Variants in TNIK observed in about 807,000 individuals in gnomAD.
The protein encoded by TNIK is TRAF2 and NCK interacting kinase, also known as TRAF2 and NCK-interacting protein kinase.
In TNIK, 49 loss-of-function variants were observed where a neutral mutation model predicts 191.3. That is an observed-to-expected ratio of 0.26 (90% CI 0.20 to 0.32). The LOEUF is 0.32. Ranked by LOEUF, TNIK falls within the 10% of genes least tolerant of loss-of-function variation. The probability of loss-of-function intolerance (pLI) is 1.00; values close to 1 mark genes in which losing one functional copy is unlikely to be tolerated. For missense variants in TNIK, 1,155 were observed against 1,702.3 expected (o/e 0.68, Z 5.66); for synonymous variants, 594 against 600.9 (o/e 0.99, Z 0.17).
At chr3:171,073,904 G>A (rs949629983) in intron 28 of TNIK, among the ~76,000 whole-genome samples, 12 of 151,678 alleles carry the variant, frequency 7.9e-5, no homozygotes, top group Non-Finnish European at 1.5e-4. Context: ...CTTATACACT[G>A]TTGGTAGGAA....
chr3:171,331,291 C>T (rs745400461), intron 2 of TNIK, among the ~76,000 whole-genome samples: 1 of 152,142 alleles, frequency 6.6e-6, no homozygotes, highest in African/African-American at 2.4e-5. Context: ...CTAAAGGGTT[C>T]CCAATTAGGA....
intron 28 of TNIK, among the ~76,000 whole-genome samples, chr3:171,079,169 A>T (rs979784993): frequency 3.7e-4 from 57 of 152,100 alleles, no homozygotes; most frequent in Non-Finnish European, 7.3e-4. Context: ...GTCTTTTTCC[A>T]GTCACTCAGC....
At chr3:171,342,098 T>A (rs1757591665) in intron 2 of TNIK, among the ~76,000 whole-genome samples, 1 of 152,252 alleles carries the variant, frequency 6.6e-6, no homozygotes, top group African/African-American at 2.4e-5. Flanking sequence ...GGCCTCTTTA[T>A]GTTACTCATA....
chr3:171,257,622 G>T (rs1282086135), intron 2 of TNIK, among the ~76,000 whole-genome samples: 3 of 152,164 alleles, frequency 2.0e-5, no homozygotes, highest in Admixed American at 6.5e-5. Context: ...AACATGTCAG[G>T]TACTTGAGAA....
intron 12 of TNIK, among the ~76,000 whole-genome samples, chr3:171,150,522 T>G (rs867109739): frequency 1.3e-5 from 2 of 152,180 alleles, no homozygotes; most frequent in African/African-American, 4.8e-5. Flanking sequence ...ATTTAGATAT[T>G]GTTAGGAAAT....
chr3:171,081,138 C>A (rs1400049958), intron 27 of TNIK, among the ~76,000 whole-genome samples: 1 of 152,018 alleles, frequency 6.6e-6, no homozygotes, highest in Admixed American at 6.6e-5. Context: ...ATCAGGACAG[C>A]AATTAACCAG....
chr3:171,123,214 C>G (rs1727992719), intron 18 of TNIK, among the ~76,000 whole-genome samples: 1 of 152,170 alleles, frequency 6.6e-6, no homozygotes, highest in South Asian at 2.1e-4. Flanking sequence ...TAAAAATCAC[C>G]TCGAAATGGG....
intron 22 of TNIK, 53 bp from the exon 23 acceptor site, chr3:171,094,021 TTTCC>T: frequency 6.3e-7 from 1 of 1,581,726 alleles, no homozygotes. Flanking sequence ...GAAATATCTG[TTTCC>T]TGTCCATATT....
rs756058728 is a variant in TNIK, at chr3:171,087,516, C to T, written c.2722-10G>A. ...TCTTCTCTCCAGACGTCTGAGGGAG[C>T]ACAGCACGTGGGAGGAGTTAGAGAG... On this transcript the variant is annotated splice_polypyrimidine_tract_variant and intron_variant, in intron 23 of 32. Coordinates refer to ENST00000436636, the MANE Select transcript of TNIK (RefSeq NM_015028.4). The T allele has an allele frequency of 3.0e-5, 48 of 1,612,750 alleles. No individual in the cohort carries two copies. The African/African-American group carries it at 6.1e-4, about 21-fold the overall frequency.
chr3:171,140,359 C>G, intron 13 of TNIK, 40 bp downstream of exon 13: 1 of 1,495,144 alleles, frequency 6.7e-7, no homozygotes, highest in Non-Finnish European at 8.9e-7. Flanking sequence ...TGCTGGGGTC[C>G]CCGGGGGGCC....
chr3:171,083,963 T>G (rs1014597019), intron 26 of TNIK, among the ~76,000 whole-genome samples, 192 bp downstream of exon 26: 13 of 152,062 alleles, frequency 8.5e-5, no homozygotes, highest in African/African-American at 2.9e-4. Flanking sequence ...GCTAGTAGCG[T>G]ATCAGCTATT....
intron 1 of TNIK, among the ~76,000 whole-genome samples, chr3:171,387,892 T>TA (rs983479512): frequency 3.3e-5 from 5 of 150,062 alleles, no homozygotes; most frequent in African/African-American, 1.2e-4. Flanking sequence ...AATTTGCAGT[T>TA]AAAATGGCCT....
intron 2 of TNIK, among the ~76,000 whole-genome samples, chr3:171,256,110 T>A (rs938776497): frequency 2.8e-4 from 43 of 152,008 alleles, no homozygotes; most frequent in Non-Finnish European, 5.3e-4. Context: ...AAAAAAAAAA[T>A]AAGTACCCAA....
chr3:171,251,541 A>C (rs1560322717), intron 2 of TNIK, among the ~76,000 whole-genome samples: 1 of 152,216 alleles, frequency 6.6e-6, no homozygotes, highest in Non-Finnish European at 1.5e-5. Context: ...GGGCCATTGC[A>C]AGGTGCTCCT....
intron 4 of TNIK, among the ~76,000 whole-genome samples, chr3:171,201,387 GA>G (rs1201589966): frequency 6.6e-6 from 1 of 151,958 alleles, no homozygotes; most frequent in Non-Finnish European, 1.5e-5. Flanking sequence ...CAACAAGAGC[GA>G]AACTCCGTCT....
At position 171,079,420 on chromosome 3, in the gene TNIK, GCAT is replaced by G. The variant is rs1457231879; in HGVS notation, c.3448+95_3448+97del. 1.0e-5 allele frequency: 14 copies of G among 1,387,904 alleles called. No individual in the cohort carries two copies. The East Asian group carries it at 3.3e-4, about 33-fold the overall frequency. 86.0% of individuals were successfully genotyped at this position (1,387,904 alleles called of 1,614,324 possible). A position where few individuals can be genotyped will look rare whatever the true frequency, so the allele number is the denominator to read the frequency against. The stretch of plus-strand genomic sequence containing the variant: ...GCAACATCTGAAGCTGGTCACACAT[GCAT>G]CATCAATCTGATAGAAAAAACTAGG... On this transcript the variant is annotated intron_variant, in intron 28 of 32. Transcript: ENST00000436636.
At chr3:171,211,319 A>C in intron 3 of TNIK, 78 bp from the exon 4 acceptor site, 7 of 1,482,248 alleles carry the variant, frequency 4.7e-6, no homozygotes, top group East Asian at 2.3e-5. Context: ...ACACCATCTA[A>C]ATTTTTTCTT....
In TNIK at chr3:171,139,480, G is replaced by C; in HGVS notation, c.1409C>G (p.Ala470Gly). 1 of 1,613,336 alleles carries C rather than the reference G, an allele frequency of 6.2e-7. No homozygotes were observed. The highest frequency in any genetic ancestry group is 8.5e-7 in the Non-Finnish European group (1 of 1,179,512). Residue 470 changes from alanine to glycine, a missense_variant, in exon 14 of 33, where the codon GCT becomes GGT. By Grantham distance (60) the Ala-to-Gly change is moderately conservative. Around this residue, in one of 3 missense-constraint regions of TNIK, gnomAD observed 735 missense variants for 848.0 expected, o/e 0.87. Coordinates refer to ENST00000436636, the MANE Select transcript of TNIK (RefSeq NM_015028.4). ...ILQQQLLHEQ[A>G]LLLEYKRKQL... ...TGGCTTTCTCATTACCAGAAGTAGA[G>C]CTTGTTCATGCAGTAGCTGCTGCTG...
chr3:171,364,180 G>C (rs545453553), intron 2 of TNIK, among the ~76,000 whole-genome samples: 13 of 152,036 alleles, frequency 8.6e-5, no homozygotes, highest in African/African-American at 2.9e-4. Flanking sequence ...AGTTGGAGCC[G>C]GGAAATCTAC....
Sources: gnomAD v4.1 joint callset for allele counts (sites outside exome capture counted in the v4.1 genomes callset) on GRCh38, gnomAD v4.1.1 for gene constraint, gnomAD v4.1.1 regional missense constraint, MANE v1.5 for transcripts, NCBI Gene and HGNC (gene_info 2026-07-23, HGNC 2026-07-21) for gene names.